AP5Z1: variants seen among roughly 807,000 people sequenced by gnomAD.
The protein encoded by AP5Z1 is AP-5 complex subunit zeta-1.
AP5Z1 carries 106 observed loss-of-function variants against 83.0 expected under a neutral mutation model. The observed-to-expected ratio is 1.28, with a 90% CI of 1.09 to 1.50. The LOEUF (loss-of-function observed/expected upper bound fraction) is 1.50. AP5Z1 is among the 40% of genes most tolerant of loss of function. The pLI is 0.00. For missense variants in AP5Z1, 1,565 were observed against 1,094.2 expected, an observed-to-expected ratio of 1.43 and a Z score of -6.07; for synonymous variants, 751 against 514.1, an observed-to-expected ratio of 1.46 and a Z score of -6.23.
intron 13 of AP5Z1, among the ~76,000 whole-genome samples, chr7:4,789,305 A>AGGACAGGGCAAGTGAGT (rs1781667774): frequency 6.6e-6 from 1 of 151,830 alleles, no homozygotes; most frequent in Non-Finnish European, 1.5e-5. Context: ...TTCCGTCCCC[A>AGGACAGGGCAAGTGAGT]GGACAGGGCA....
chr7:4,778,369 G>C (rs994211263), intron 1 of AP5Z1, among the ~76,000 whole-genome samples: 23 of 152,278 alleles, frequency 1.5e-4, no homozygotes, highest in African/African-American at 5.3e-4. Context: ...AGTAAAGGAT[G>C]GGGGCATGGA....
intron 1 of AP5Z1, among the ~76,000 whole-genome samples, chr7:4,776,449 G>T (rs759180599): frequency 5.3e-5 from 8 of 151,954 alleles, no homozygotes; most frequent in Non-Finnish European, 1.2e-4. Flanking sequence ...GGGCGTGGTG[G>T]CTCACGCCTG....
rs780713999 is a variant in AP5Z1, at chr7:4,791,220, G to A, written c.2259G>A (p.Glu753=). The A allele has an allele frequency of 3.2e-5, 51 of 1,612,758 alleles. No individual in the cohort carries two copies. Among genetic ancestry groups the A allele is most frequent in the Non-Finnish European group, 4.3e-5 (51 of 1,179,834 alleles). Residue 753 remains glutamate, a synonymous_variant, in exon 17 of 17, where the codon GAG becomes GAA. Coordinates refer to ENST00000649063, the MANE Select transcript of AP5Z1 (RefSeq NM_014855.3). ...AAGCCATCCGTACCCGGGCCACAGA[G>A]CTGCTGACCCTGCTGAAGATGCCTA... The part of the protein sequence containing the change: ...GAEAIRTRAT[E]LLTLLKMPSV...
At chr7:4,777,147 T>G (rs1781250332) in intron 1 of AP5Z1, among the ~76,000 whole-genome samples, 1 of 151,916 alleles carries the variant, frequency 6.6e-6, no homozygotes, top group Admixed American at 6.6e-5. Context: ...ATAGGCAACC[T>G]TCCCTTCAAT....
intron 6 of AP5Z1, 52 bp downstream of exon 6, chr7:4,784,423 A>C: frequency 4.6e-6 from 7 of 1,527,158 alleles, no homozygotes; most frequent in East Asian, 2.4e-5. Flanking sequence ...TGGGCGCACT[A>C]TGGGTTGGTC....
rs76826075 is a variant in AP5Z1, at chr7:4,781,924, G to A, written c.366+170G>A. 0.059 allele frequency among the ~76,000 whole-genome samples: 8,986 copies of A among 152,310 alleles called. 329 individuals are homozygous for A. The highest frequency in any genetic ancestry group is 0.18 in the South Asian group (872 of 4,818). ...TGGGGCATGCCCTGTTGACTGGAAC[G>A]GGGTCCCATGCCCAGCAGGCCCACG... On this transcript the variant is annotated intron_variant, in intron 3 of 16. Coordinates refer to ENST00000649063, the MANE Select transcript of AP5Z1 (RefSeq NM_014855.3).
intron 1 of AP5Z1, among the ~76,000 whole-genome samples, chr7:4,779,969 T>TG (rs1418917165): frequency 6.6e-6 from 1 of 151,952 alleles, no homozygotes; most frequent in African/African-American, 2.4e-5. Flanking sequence ...TTTGTAGAGA[T>TG]GGGGTCTCAC....
chr7:4,786,489 C>T (rs1781549232), intron 10 of AP5Z1, 61 bp downstream of exon 10: 1 of 1,588,248 alleles, frequency 6.3e-7, no homozygotes, highest in Non-Finnish European at 8.6e-7. Context: ...GGGCTCCTCC[C>T]CTCTTTCCAG....
At chr7:4,785,844 C>T (rs368330173) in intron 9 of AP5Z1, among the ~76,000 whole-genome samples, 160 bp downstream of exon 9, 18 of 150,084 alleles carry the variant, frequency 1.2e-4, no homozygotes, top group South Asian at 2.1e-4. Context: ...TGGCCTCAAG[C>T]GATCCTCCTG....
rs1415774236 is a variant in AP5Z1, at chr7:4,791,241, G to A, written c.2280G>A (p.Met760Ile). 6.2e-7 allele frequency: 1 copy of A among 1,612,792 alleles called. No homozygotes were observed. Among genetic ancestry groups the A allele is most frequent in the Non-Finnish European group, 8.5e-7 (1 of 1,179,866 alleles). ...CAGAGCTGCTGACCCTGCTGAAGAT[G>A]CCTAGCGTGGCCCAGTTTGTGCTCA... The part of the protein sequence containing the change: ...RATELLTLLK[M>I]PSVAQFVLTP... Residue 760 changes from methionine to isoleucine, a missense_variant, in exon 17 of 17, where the codon ATG (methionine) becomes ATA (isoleucine). Met to Ile is a conservative substitution (Grantham distance 10, BLOSUM62 1). Coordinates refer to ENST00000649063, the MANE Select transcript of AP5Z1 (RefSeq NM_014855.3).
At chr7:4,785,375 G>C (rs367818681) in intron 7 of AP5Z1, 40 bp from the exon 8 acceptor site, 52 of 1,607,802 alleles carry the variant, frequency 3.2e-5, no homozygotes, top group Non-Finnish European at 4.4e-5. Context: ...GCCACTCTAA[G>C]GCTGAGACAG....
chr7:4,788,818 C>CAA, intron 12 of AP5Z1, 22 bp from the exon 13 acceptor site: 1 of 1,575,956 alleles, frequency 6.3e-7, no homozygotes. Flanking sequence ...GGGCAGCACT[C>CAA]ACGGCCACAC....
rs752760869 is a variant in AP5Z1, at chr7:4,787,819, C to G, written c.1454+43C>G. 6 of 1,499,470 alleles carry G rather than the reference C, an allele frequency of 4.0e-6. No individual in the cohort carries two copies. The African/African-American group carries it at 8.3e-5, about 21-fold the overall frequency. 92.9% of individuals were successfully genotyped at this position (1,499,470 alleles called of 1,614,324 possible). A position where few individuals can be genotyped will look rare whatever the true frequency, so the allele number is the denominator to read the frequency against. ...TGCCAGCGCTGCGTCTCCCAGCCAG[C>G]TGGTTCCACACACTGGGCCCCCTCC... On this transcript the variant is annotated intron_variant, in intron 11 of 16. Coordinates refer to ENST00000649063, the MANE Select transcript of AP5Z1 (RefSeq NM_014855.3).
chr7:4,790,764 T>TGCTA lies in AP5Z1; in HGVS notation c.2031_2034dup (p.Phe679AlafsTer85), dbSNP rs1320868913. On this transcript the variant is annotated frameshift_variant, in exon 16 of 17. Coordinates refer to ENST00000649063, the MANE Select transcript of AP5Z1 (RefSeq NM_014855.3). LOFTEE classifies it high-confidence loss of function. ...AAGTTCTTCGAAGCCCTGGAGGCTC[T>TGCTA]GCTATTCGAGGTCACCCAGTGCCGC... 1 of 1,608,996 alleles carries TGCTA rather than the reference T, an allele frequency of 6.2e-7. No homozygotes were observed. Among genetic ancestry groups the TGCTA allele is most frequent in the East Asian group, 2.2e-5 (1 of 44,776 alleles).
At chr7:4,789,740 C>A in intron 13 of AP5Z1, 92 bp from the exon 14 acceptor site, 2 of 939,264 alleles carry the variant, frequency 2.1e-6, no homozygotes, top group Non-Finnish European at 3.2e-6. Context: ...CAGCCCCTCA[C>A]CTGCCCCCCA....
rs900972510 is a variant in AP5Z1 at position 4,792,317 on chromosome 7, A to G, written c.*932A>G. ...CAGGCTCAAACTCTTCCCCCTCCCC[A>G]CTCTGGCTCCGCCCCCGGTCTCCTC... On this transcript the variant is annotated 3_prime_UTR_variant, in exon 17 of 17. Coordinates refer to ENST00000649063, the MANE Select transcript of AP5Z1 (RefSeq NM_014855.3). 2.6e-5 allele frequency: 2 copies of G among 76,538 alleles called. No individual in the cohort carries two copies. The highest frequency in any genetic ancestry group is 1.1e-4 in the African/African-American group (2 of 18,802). The allele number at this position is 76,538 out of a possible 1,614,324, so 4.7% of individuals were successfully genotyped here.
At position 4,788,891 on chromosome 7, in the gene AP5Z1, GGCCCAGTGT is replaced by G; in HGVS notation, c.1654_1662del (p.Cys552_Gln554del). The G allele has an allele frequency of 6.2e-7, 1 of 1,611,040 alleles. No individual in the cohort carries two copies. The highest frequency in any genetic ancestry group is 8.5e-7 in the Non-Finnish European group (1 of 1,179,390). On this transcript the variant is annotated inframe_deletion, in exon 13 of 17. Transcript: ENST00000649063. ...AGCCCATGGCCGGCTGTGCCCGCGT[GGCCCAGTGT>G]GCCCAGGCCGTGCCCACGCTGCTGC...
At chr7:4,778,610 T>C (rs1447623429) in intron 1 of AP5Z1, among the ~76,000 whole-genome samples, 2 of 151,764 alleles carry the variant, frequency 1.3e-5, no homozygotes, top group African/African-American at 2.4e-5. Context: ...TTTGGGTGGG[T>C]TGGATTTTAG....
intron 1 of AP5Z1, among the ~76,000 whole-genome samples, chr7:4,778,781 G>T (rs941742001): frequency 7.0e-6 from 1 of 143,664 alleles, no homozygotes; most frequent in Admixed American, 7.1e-5. Flanking sequence ...TATATATTTA[G>T]TAATATATAA....
Sources: gnomAD v4.1 joint callset for allele counts (sites outside exome capture counted in the v4.1 genomes callset) on GRCh38, gnomAD v4.1.1 for gene constraint, MANE v1.5 for transcripts, NCBI Gene and HGNC (gene_info 2026-07-23, HGNC 2026-07-21) for gene names.